POU6F2: variants seen among roughly 807,000 people sequenced by gnomAD.
POU6F2 encodes the protein POU domain, class 6, transcription factor 2.
POU6F2 carries 31 observed loss-of-function variants against 71.3 expected under a neutral mutation model. The ratio of observed to expected loss-of-function variants is 0.43; its 90% confidence interval spans 0.33 to 0.59. The LOEUF is 0.59. POU6F2 is among the 20% of genes least tolerant of loss of function. POU6F2 has a pLI of 0.04. For missense variants in POU6F2, 783 were observed against 856.8 expected (o/e 0.91, Z 1.07); for synonymous variants, 347 against 355.7 (o/e 0.98, Z 0.27).
intron 4 of POU6F2, among the ~76,000 whole-genome samples, chr7:39,268,534 G>A (rs1214156022): frequency 6.6e-6 from 1 of 152,094 alleles, no homozygotes; most frequent in Non-Finnish European, 1.5e-5. Flanking sequence ...ACTCCAAATG[G>A]CAGTGTTTAA....
chr7:39,318,284 C>T (rs1189444907), intron 4 of POU6F2, among the ~76,000 whole-genome samples: 1 of 152,088 alleles, frequency 6.6e-6, no homozygotes. Flanking sequence ...GACCCCTGCA[C>T]CAGAAGCTTG....
chr7:39,434,500 A>G (rs1249771565), intron 7 of POU6F2, among the ~76,000 whole-genome samples: 3 of 152,078 alleles, frequency 2.0e-5, no homozygotes, highest in Non-Finnish European at 4.4e-5. Context: ...CCTGGCATAC[A>G]GTAAGCACTA....
chr7:39,258,301 G>A (rs1050763668), intron 4 of POU6F2, among the ~76,000 whole-genome samples: 1 of 152,068 alleles, frequency 6.6e-6, no homozygotes, highest in African/African-American at 2.4e-5. Context: ...ATTTGAAGGC[G>A]GCAGCTCTAC....
chr7:39,448,896 A>G (rs917567788), intron 7 of POU6F2, among the ~76,000 whole-genome samples: 4 of 152,246 alleles, frequency 2.6e-5, no homozygotes, highest in African/African-American at 9.6e-5. Flanking sequence ...GCAAATATCC[A>G]TCACACTTTA....
At chr7:39,168,186 G>A (rs1793149375) in intron 2 of POU6F2, among the ~76,000 whole-genome samples, 1 of 152,080 alleles carries the variant, frequency 6.6e-6, no homozygotes, top group African/African-American at 2.4e-5. Context: ...ATCAATAATA[G>A]CCTATTTTTA....
chr7:39,360,275 A>G (rs530499690), intron 5 of POU6F2, among the ~76,000 whole-genome samples: 125 of 152,332 alleles, frequency 8.2e-4, no homozygotes, highest in African/African-American at 3.0e-3. Context: ...ATTAATTATG[A>G]TTTTGAGAAT....
At chr7:39,212,937 G>A (rs1224838543) in intron 4 of POU6F2, among the ~76,000 whole-genome samples, 4 of 152,100 alleles carry the variant, frequency 2.6e-5, no homozygotes, top group Non-Finnish European at 5.9e-5. Context: ...ATACAGCCTC[G>A]ATGTGAGTGA....
chr7:39,242,763 AT>A (rs1036982289), intron 4 of POU6F2, among the ~76,000 whole-genome samples: 34 of 152,288 alleles, frequency 2.2e-4, no homozygotes, highest in Admixed American at 1.8e-3. Flanking sequence ...TATACTGAAA[AT>A]AATAATTACT....
At chr7:39,144,450 A>G (rs1033136850) in intron 2 of POU6F2, among the ~76,000 whole-genome samples, 2 of 152,214 alleles carry the variant, frequency 1.3e-5, no homozygotes, top group African/African-American at 2.4e-5. Context: ...TCAATATGCT[A>G]TAGTGTCTAT....
chr7:39,112,033 G>A (rs936192413), intron 2 of POU6F2, among the ~76,000 whole-genome samples: 2 of 152,208 alleles, frequency 1.3e-5, no homozygotes, highest in African/African-American at 2.4e-5. Context: ...TTTCTTCATC[G>A]TTAGAAGTCC....
chr7:39,387,248 TATG>T (rs1254226965), intron 5 of POU6F2, among the ~76,000 whole-genome samples: 5 of 152,210 alleles, frequency 3.3e-5, no homozygotes, highest in African/African-American at 1.2e-4. Flanking sequence ...AATAGACACA[TATG>T]GACACGCATG....
At position 39,324,033 on chromosome 7, in the gene POU6F2, T is replaced by C. The variant is rs530105020; in HGVS notation, c.599-15609T>C. ...TGAGGCAGGAGAATTGCTTAGACCC[T>C]GGAGGCGGAGCTTGCAGTGAGCCAA... On this transcript the variant is annotated intron_variant, in intron 4 of 9. Transcript: ENST00000518318. Among the ~76,000 whole-genome samples, 1,126 of 147,204 alleles carry C rather than the reference T, an allele frequency of 7.6e-3. 11 individuals carry two copies. The highest frequency in any genetic ancestry group is 0.013 in the Non-Finnish European group (886 of 67,380).
chr7:39,320,518 G>T (rs114774159), intron 4 of POU6F2, among the ~76,000 whole-genome samples: 2,043 of 152,110 alleles, frequency 0.013, 39 homozygotes, highest in African/African-American at 0.047. Context: ...AAGTGTTTTT[G>T]CAGCCCTGGA....
rs180995294 is a variant in POU6F2, at chr7:39,465,060, T to G, written c.*374T>G. ...TATATTATGAAAATGTGAACACATTTTAAGGAAAAAGAAAAAAAAAAACTA... is the reference window on the plus strand; with the variant it reads ...TATATTATGAAAATGTGAACACATTGTAAGGAAAAAGAAAAAAAAAAACTA... On this transcript the variant is annotated 3_prime_UTR_variant, in exon 10 of 10. Transcript: ENST00000518318. 1.8e-3 allele frequency: 154 copies of G among 86,308 alleles called. 2 individuals carry two copies. The highest frequency in any genetic ancestry group is 1.7e-4 in the Non-Finnish European group (8 of 46,446). 5.3% of individuals were successfully genotyped at this position (86,308 alleles called of 1,614,324 possible).
intron 4 of POU6F2, among the ~76,000 whole-genome samples, chr7:39,233,198 T>C (rs1205577139): frequency 1.3e-5 from 2 of 152,002 alleles, no homozygotes; most frequent in Non-Finnish European, 2.9e-5. Flanking sequence ...ACAGAGGTCA[T>C]AGTTTAGTGA....
Position 39,191,343 on chromosome 7 carries a change from C to CT in POU6F2, c.278-12884dup, listed in dbSNP as rs771293166. ...ACATCTATTTTTAAACTATTGGATACTTTTTTTTATTATTTCACCTTTTCA... is the reference window on the plus strand; with the variant it reads ...ACATCTATTTTTAAACTATTGGATACTTTTTTTTTATTATTTCACCTTTTCA... On this transcript the variant is annotated intron_variant, in intron 2 of 9. Coordinates refer to ENST00000518318, the MANE Select transcript of POU6F2 (RefSeq NM_001370959.1). 7.4e-4 allele frequency among the ~76,000 whole-genome samples: 112 copies of CT among 152,120 alleles called. 2 individuals carry two copies. Among genetic ancestry groups the CT allele is most frequent in the Non-Finnish European group, 1.2e-3 (84 of 67,976 alleles).
intron 1 of POU6F2, among the ~76,000 whole-genome samples, chr7:39,056,376 A>G (rs1790518611): frequency 6.6e-6 from 1 of 151,972 alleles, no homozygotes; most frequent in South Asian, 2.1e-4. Flanking sequence ...TGTTTTATAG[A>G]GGTTATTCTT....
chr7:39,391,651 A>C (rs561152544), intron 5 of POU6F2, among the ~76,000 whole-genome samples: 11 of 152,330 alleles, frequency 7.2e-5, no homozygotes, highest in Admixed American at 6.5e-4. Flanking sequence ...CTGTCAACAG[A>C]GATGGCAACC....
Position 39,308,025 on chromosome 7 carries a change from A to T in POU6F2, c.599-31617A>T, listed in dbSNP as rs185062541. The stretch of plus-strand genomic sequence containing the variant: ...ACTAGCTTCTGGCTTTGCATATATC[A>T]ACTGTTGCCTCCACTGTCCACCTAC... On this transcript the variant is annotated intron_variant, in intron 4 of 9. Transcript: ENST00000518318. Among the ~76,000 whole-genome samples, 408 of 152,222 alleles carry T rather than the reference A, an allele frequency of 2.7e-3. 5 individuals carry two copies. Among genetic ancestry groups the T allele is most frequent in the Non-Finnish European group, 3.9e-3 (266 of 68,022 alleles).
Sources: gnomAD v4.1 joint callset for allele counts (sites outside exome capture counted in the v4.1 genomes callset) on GRCh38, gnomAD v4.1.1 for gene constraint, MANE v1.5 for transcripts, NCBI Gene and HGNC (gene_info 2026-07-23, HGNC 2026-07-21) for gene names.